The following FAT3 variants were observed in gnomAD, a reference collection of about 807,000 sequenced individuals.
FAT3 encodes FAT atypical cadherin 3, also known as protocadherin Fat 3.
A neutral mutation model predicts 310.2 loss-of-function variants in FAT3; 95 were observed. The observed-to-expected ratio is 0.31, with a 90% CI of 0.26 to 0.36. The LOEUF (loss-of-function observed/expected upper bound fraction) is 0.36, where lower values mean the gene tolerates loss of function less well. FAT3 is among the 10% of genes least tolerant of loss of function. The pLI is 1.00. For synonymous variants in FAT3, 2,314 were observed against 2,192.9 expected, an observed-to-expected ratio of 1.06 and a Z score of -1.54; for missense variants, 5,408 against 5,715.6, an observed-to-expected ratio of 0.95 and a Z score of 1.74.
At chr11:92,528,962 A>G (rs1487081247) in intron 3 of FAT3, among the ~76,000 whole-genome samples, 2 of 152,216 alleles carry the variant, frequency 1.3e-5, no homozygotes, top group Non-Finnish European at 2.9e-5. Flanking sequence ...ATCTTGAGGA[A>G]GACATTTCTG....
At chr11:92,418,646 T>C (rs1436691975) in intron 2 of FAT3, among the ~76,000 whole-genome samples, 2 of 151,946 alleles carry the variant, frequency 1.3e-5, no homozygotes, top group African/African-American at 4.8e-5. Context: ...CTGAACTGCA[T>C]ATTGGCCCTA....
At chr11:92,227,000 C>G (rs889044748) in intron 1 of FAT3, among the ~76,000 whole-genome samples, 3 of 152,212 alleles carry the variant, frequency 2.0e-5, no homozygotes, top group African/African-American at 7.2e-5. Context: ...AGAACCTCCC[C>G]CAACCCGCCC....
intron 3 of FAT3, among the ~76,000 whole-genome samples, chr11:92,682,804 G>A (rs570346723): frequency 6.6e-6 from 1 of 152,250 alleles, no homozygotes; most frequent in African/African-American, 2.4e-5. Flanking sequence ...TGGGCCAGGT[G>A]CGGTGGCTCA....
rs1233635234 is a variant in FAT3 at position 92,419,123 on chromosome 11, C to A, written c.3292+63719C>A. Among the ~76,000 whole-genome samples, 14 of 152,234 alleles carry A rather than the reference C, an allele frequency of 9.2e-5. No individual in the cohort carries two copies. In the East Asian group the frequency reaches 2.7e-3, roughly 29 times the overall value. Reference sequence around the variant, plus strand: ...GCACAGGCTCCTTGTTCTCCTACCCCCAATTCATATGCCATTCTCATTTAT... The same window carrying A: ...GCACAGGCTCCTTGTTCTCCTACCCACAATTCATATGCCATTCTCATTTAT... On this transcript the variant is annotated intron_variant, in intron 2 of 27. Coordinates refer to ENST00000525166, the MANE Select transcript of FAT3 (RefSeq NM_001367949.2).
At chr11:92,686,677 G>A (rs1055279436) in intron 3 of FAT3, among the ~76,000 whole-genome samples, 9 of 152,006 alleles carry the variant, frequency 5.9e-5, no homozygotes, top group Non-Finnish European at 1.2e-4. Flanking sequence ...CTTTCCATAC[G>A]AGTGATATTT....
intron 1 of FAT3, among the ~76,000 whole-genome samples, chr11:92,270,703 A>AATAC (rs1422680466): frequency 6.6e-6 from 1 of 151,898 alleles, no homozygotes; most frequent in East Asian, 1.9e-4. Context: ...TAAATAAATA[A>AATAC]ATAAATATTA....
intron 3 of FAT3, among the ~76,000 whole-genome samples, chr11:92,610,081 G>C (rs1334757604): frequency 6.6e-6 from 1 of 152,018 alleles, no homozygotes; most frequent in Non-Finnish European, 1.5e-5. Context: ...TCGATATTAT[G>C]TGAAAATTTA....
chr11:92,354,105 A>G lies in FAT3; in HGVS notation c.1993A>G (p.Met665Val), dbSNP rs1372672551. The change falls in exon 2 of 28, where the codon ATG becomes GTG. Residue 665 changes from methionine to valine, a missense_variant. By Grantham distance (21) the Met-to-Val change is conservative. This residue lies in a region of FAT3 where 4,588 missense variants were observed against 4,809.8 expected (regional missense o/e 0.95). Transcript: ENST00000525166. ...TGATGGAGAGAATCTTGCAGACCCC[A>G]TGTCTATTAACATTTCAGTCCTACA... is the stretch of plus-strand genomic sequence containing the variant. ...ATDGENLADP[M>V]SINISVLHGK... The G allele has an allele frequency of 6.2e-7, 1 of 1,613,798 alleles. No individual in the cohort carries two copies. Among genetic ancestry groups the G allele is most frequent in the Admixed American group, 1.7e-5 (1 of 59,920 alleles).
At position 92,866,684 on chromosome 11, in the gene FAT3, G is replaced by A. The variant is rs1346362819; in HGVS notation, c.11659-57G>A. 25 of 1,498,394 alleles carry A rather than the reference G, an allele frequency of 1.7e-5. No homozygotes were observed. The African/African-American group carries it at 2.5e-4, about 15-fold the overall frequency. 92.8% of individuals were successfully genotyped at this position (1,498,394 alleles called of 1,614,324 possible). On this transcript the variant is annotated intron_variant, in intron 21 of 27. Transcript: ENST00000525166. ...CCGGGCCGGCCAGGAGCAGGGTGTAGGGAACATATTCCCAGTTGCATGTTG... is the reference window on the plus strand; with the variant it reads ...CCGGGCCGGCCAGGAGCAGGGTGTAAGGAACATATTCCCAGTTGCATGTTG...
intron 4 of FAT3, among the ~76,000 whole-genome samples, chr11:92,726,998 G>A (rs934271320): frequency 1.7e-4 from 26 of 152,030 alleles, no homozygotes; most frequent in Admixed American, 6.6e-4. Context: ...CTAAAATACT[G>A]CTCTTATGAC....
chr11:92,477,940 T>A (rs1952092521), intron 2 of FAT3, among the ~76,000 whole-genome samples: 1 of 152,134 alleles, frequency 6.6e-6, no homozygotes, highest in Admixed American at 6.5e-5. Context: ...TAGAAGTCAG[T>A]AATACTGTCC....
At chr11:92,870,327 T>C (rs897564393) in intron 22 of FAT3, among the ~76,000 whole-genome samples, 1 of 152,170 alleles carries the variant, frequency 6.6e-6, no homozygotes, top group Admixed American at 6.5e-5. Context: ...GCAGGTTTGA[T>C]CAGCATTATA....
chr11:92,524,429 A>T (rs1384406349), intron 2 of FAT3, among the ~76,000 whole-genome samples: 1 of 152,198 alleles, frequency 6.6e-6, no homozygotes, highest in South Asian at 2.1e-4. Flanking sequence ...ATTATACTCT[A>T]TAAACAGTAG....
chr11:92,746,235 T>C (rs549220916), intron 4 of FAT3, among the ~76,000 whole-genome samples: 1 of 152,340 alleles, frequency 6.6e-6, no homozygotes, highest in Admixed American at 6.5e-5. Context: ...AGAGGTTTAA[T>C]TAAGTCAAGT....
intron 2 of FAT3, among the ~76,000 whole-genome samples, chr11:92,451,130 C>CT (rs1224230904): frequency 6.6e-6 from 1 of 152,138 alleles, no homozygotes; most frequent in Non-Finnish European, 1.5e-5. Context: ...AAGCACTTGA[C>CT]TGAAAGCTGT....
chr11:92,339,432 G>A (rs1263453261), intron 1 of FAT3, among the ~76,000 whole-genome samples: 1 of 152,212 alleles, frequency 6.6e-6, no homozygotes, highest in Non-Finnish European at 1.5e-5. Flanking sequence ...GTGCCCAGTA[G>A]TATGTACGTT....
At chr11:92,374,844 T>C (rs1308297262) in intron 2 of FAT3, among the ~76,000 whole-genome samples, 2 of 106,098 alleles carry the variant, frequency 1.9e-5, no homozygotes, top group Non-Finnish European at 1.8e-5. Flanking sequence ...CTTACAGCAG[T>C]TTTTTTTTTT....
Position 92,800,942 on chromosome 11 carries a change from C to T in FAT3, c.7929C>T (p.Ala2643=). The T allele has an allele frequency of 6.2e-7, 1 of 1,613,006 alleles. No individual in the cohort carries two copies. The highest frequency in any genetic ancestry group is 8.5e-7 in the Non-Finnish European group (1 of 1,179,494). ...TTACTTATTCCCTCTATAGCGAGGC[C>T]TCTGTTTCAGTGGCCGACCTCCTGG... The part of the protein sequence containing the change: ...SRITYSLYSE[A]SVSVADLLEI... The change falls in exon 10 of 28, where the codon GCC becomes GCT. Residue 2643 remains alanine, a synonymous_variant. Coordinates refer to ENST00000525166, the MANE Select transcript of FAT3 (RefSeq NM_001367949.2).
At chr11:92,764,225 A>G (rs1946243404) in intron 5 of FAT3, among the ~76,000 whole-genome samples, 1 of 151,956 alleles carries the variant, frequency 6.6e-6, no homozygotes, top group Non-Finnish European at 1.5e-5. Flanking sequence ...CGCTGCCTCC[A>G]GGGACTGTGC....
Sources: allele counts gnomAD v4.1 joint callset (sites outside exome capture counted in the v4.1 genomes callset), GRCh38; gene constraint gnomAD v4.1.1; regional missense constraint gnomAD v4.1.1; transcripts MANE v1.5; gene names NCBI Gene and HGNC (gene_info 2026-07-23, HGNC 2026-07-21).